Variants in FARSB observed in about 807,000 individuals in gnomAD.
FARSB encodes phenylalanine--tRNA ligase beta subunit.
FARSB carries 40 observed loss-of-function variants against 69.6 expected under a neutral mutation model. The ratio of observed to expected loss-of-function variants is 0.57; its 90% CI spans 0.45 to 0.75. FARSB has a LOEUF of 0.75. Among genes scored for constraint, FARSB ranks in the 30% least tolerant of loss-of-function variants. The pLI is 0.00. For missense variants in FARSB, 632 were observed against 722.9 expected, an observed-to-expected ratio of 0.87 and a Z score of 1.44; for synonymous variants, 235 against 247.2, an observed-to-expected ratio of 0.95 and a Z score of 0.46.
chr2:222,598,207 G>A (rs1017072115), intron 16 of FARSB, among the ~76,000 whole-genome samples: 4 of 152,152 alleles, frequency 2.6e-5, no homozygotes, highest in Admixed American at 2.0e-4. Flanking sequence ...TTTGAGGGTC[G>A]GTATGTGGTG....
intron 16 of FARSB, among the ~76,000 whole-genome samples, chr2:222,592,656 A>G (rs1267599720): frequency 6.6e-6 from 1 of 150,414 alleles, no homozygotes; most frequent in Non-Finnish European, 1.5e-5. Flanking sequence ...CGTTTTCTAT[A>G]GAATAGTGGA....
At chr2:222,632,432 C>T (rs10183649) in intron 7 of FARSB, among the ~76,000 whole-genome samples, 42,598 of 151,978 alleles carry the variant, frequency 0.28, 7,147 homozygotes, top group Non-Finnish European at 0.37. Flanking sequence ...ACTCTGGGGC[C>T]CATGTTCTTA....
chr2:222,645,575 TACTA>T (rs1004458292), intron 2 of FARSB, among the ~76,000 whole-genome samples: 2 of 151,828 alleles, frequency 1.3e-5, no homozygotes, highest in Admixed American at 6.6e-5. Context: ...AAAAAAATAA[TACTA>T]ACTATCAGAA....
At chr2:222,579,121 C>T (rs1689906840) in intron 16 of FARSB, among the ~76,000 whole-genome samples, 1 of 152,184 alleles carries the variant, frequency 6.6e-6, no homozygotes, top group South Asian at 2.1e-4. Flanking sequence ...AAGTGAAGCA[C>T]AAGGAGATTA....
chr2:222,641,894 G>A (rs566773127), intron 3 of FARSB, among the ~76,000 whole-genome samples: 13 of 152,118 alleles, frequency 8.5e-5, no homozygotes, highest in Admixed American at 3.3e-4. Flanking sequence ...CCATCAGTTA[G>A]AACTCTTATT....
chr2:222,627,226 TC>T (rs1691300330), intron 10 of FARSB, among the ~76,000 whole-genome samples: 1 of 152,212 alleles, frequency 6.6e-6, no homozygotes, highest in Admixed American at 6.5e-5. Flanking sequence ...GGAGATGACA[TC>T]TATTTCTCCA....
At chr2:222,639,888 TTCAG>T (rs1219511533) in intron 4 of FARSB, among the ~76,000 whole-genome samples, 193 bp from the exon 5 acceptor site, 2 of 152,242 alleles carry the variant, frequency 1.3e-5, no homozygotes, top group African/African-American at 4.8e-5. Flanking sequence ...GAATTTATAT[TTCAG>T]TAAGATTTCT....
chr2:222,572,643 G>A (rs943532881), intron 16 of FARSB, among the ~76,000 whole-genome samples: 3 of 152,228 alleles, frequency 2.0e-5, no homozygotes, highest in Admixed American at 2.0e-4. Context: ...AAGCAGTTCT[G>A]AAGCATCTAC....
rs145548916 is a variant in FARSB at position 222,578,883 on chromosome 2, A to G, written c.1619-6861T>C. Among the ~76,000 whole-genome samples the G allele has an allele frequency of 2.1e-3, 323 of 152,226 alleles. 2 individuals carry two copies. Among genetic ancestry groups the G allele is most frequent in the Admixed American group, 0.014 (210 of 15,290 alleles). ...TGTAGTCCCAGCTACTCAGGAGGCT[A>G]AGACAAGAGAATTGCTTGAACTCGG... is the stretch of plus-strand genomic sequence containing the variant. On this transcript the variant is annotated intron_variant, in intron 16 of 16. Coordinates refer to ENST00000281828, the MANE Select transcript of FARSB (RefSeq NM_005687.5).
intron 14 of FARSB, among the ~76,000 whole-genome samples, chr2:222,617,505 G>C (rs1056387961): frequency 6.6e-6 from 1 of 152,140 alleles, no homozygotes; most frequent in Admixed American, 6.5e-5. Context: ...ACTGGGTGAC[G>C]GGTTCAGTCA....
intron 2 of FARSB, among the ~76,000 whole-genome samples, chr2:222,644,788 AATAAT>A (rs1403823606): frequency 6.6e-6 from 1 of 152,196 alleles, no homozygotes; most frequent in African/African-American, 2.4e-5. Flanking sequence ...ATTAACAACT[AATAAT>A]AAAATAGAAC....
Position 222,639,581 on chromosome 2 carries a change from T to C in FARSB, c.454A>G (p.Arg152Gly). The C allele has an allele frequency of 6.7e-7, 1 of 1,501,858 alleles. No individual in the cohort carries two copies. The highest frequency in any genetic ancestry group is 9.2e-7 in the Non-Finnish European group (1 of 1,092,226). The allele number at this position is 1,501,858 out of a possible 1,614,324, so 93.0% of individuals were successfully genotyped here. ...LQEKLHQNICRKRALVAIGTH... is the reference protein window; with the variant it reads ...LQEKLHQNICGKRALVAIGTH... The stretch of plus-strand genomic sequence containing the variant: ...AAGAAAGAAAATGCAACCACAAACC[T>C]GCAAATATTCTGATGTAATTTCTCC... Residue 152 changes from arginine (R) to glycine (G), a missense_variant and splice_region_variant, in exon 5 of 17, where the codon AGG becomes GGG. Physicochemically the swap from Arg to Gly is moderately radical, Grantham distance 125. Transcript: ENST00000281828.
intron 3 of FARSB, among the ~76,000 whole-genome samples, chr2:222,642,002 TC>T (rs1478274710): frequency 4.9e-5 from 3 of 60,608 alleles, no homozygotes; most frequent in African/African-American, 1.8e-4. Flanking sequence ...TTATCCTCTA[TC>T]TTTTTTTTTT....
intron 1 of FARSB, among the ~76,000 whole-genome samples, chr2:222,652,911 C>T (rs1168352003): frequency 6.6e-6 from 1 of 152,176 alleles, no homozygotes; most frequent in Non-Finnish European, 1.5e-5. Flanking sequence ...TCCTAATTAT[C>T]ATATGTTTTA....
Position 222,623,643 on chromosome 2 carries a change from G to C in FARSB, c.1251+7C>G. ...TCATCTGGGCAGAAAAAGCATGTAA[G>C]ACATACCAGGGCAAAGGTAAGTGCT... On this transcript the variant is annotated splice_region_variant and intron_variant, in intron 13 of 16. Coordinates refer to ENST00000281828, the MANE Select transcript of FARSB (RefSeq NM_005687.5). The C allele has an allele frequency of 7.2e-6, 11 of 1,537,690 alleles. No individual in the cohort carries two copies. Among genetic ancestry groups the C allele is most frequent in the Non-Finnish European group, 5.4e-6 (6 of 1,110,416 alleles).
rs58082170 is a variant in FARSB, at chr2:222,627,568, T to G, written c.900+1269A>C. Among the ~76,000 whole-genome samples the G allele has an allele frequency of 6.3e-3, 957 of 152,336 alleles. 9 individuals carry two copies. The highest frequency in any genetic ancestry group is 0.021 in the African/African-American group (893 of 41,580). On this transcript the variant is annotated intron_variant, in intron 10 of 16. Coordinates refer to ENST00000281828, the MANE Select transcript of FARSB (RefSeq NM_005687.5). The stretch of plus-strand genomic sequence containing the variant: ...AAGAATCATGAGATAAATAAATGGT[T>G]GTTGTTTTAAGCCACTAAGTCTTGG...
chr2:222,618,020 T>C (rs925232571), intron 14 of FARSB, among the ~76,000 whole-genome samples: 2 of 152,210 alleles, frequency 1.3e-5, no homozygotes, highest in Non-Finnish European at 2.9e-5. Context: ...GCAAATGAAT[T>C]TGAATACCTC....
intron 16 of FARSB, among the ~76,000 whole-genome samples, chr2:222,574,119 C>A (rs1053293402): frequency 6.6e-6 from 1 of 151,944 alleles, no homozygotes; most frequent in Non-Finnish European, 1.5e-5. Context: ...GAGATAAGAG[C>A]TTAGAATTTT....
At chr2:222,652,534 C>T (rs546645619) in intron 1 of FARSB, among the ~76,000 whole-genome samples, 1 of 152,332 alleles carries the variant, frequency 6.6e-6, no homozygotes, top group Non-Finnish European at 1.5e-5. Context: ...TCTCGGACCT[C>T]TCCATCTGGG....
Sources: gnomAD v4.1 joint callset for allele counts (sites outside exome capture counted in the v4.1 genomes callset) on GRCh38, gnomAD v4.1.1 for gene constraint, MANE v1.5 for transcripts, NCBI Gene and HGNC (gene_info 2026-07-23, HGNC 2026-07-21) for gene names.